The following ITPR2 variants were observed in gnomAD, a reference collection of about 807,000 sequenced individuals.
ITPR2 encodes inositol 1,4,5-trisphosphate receptor type 2, also known as inositol 1,4,5-trisphosphate-gated calcium channel ITPR2.
In ITPR2, 207 loss-of-function variants were observed where a neutral mutation model predicts 317.1. The observed-to-expected ratio is 0.65, with a 90% CI of 0.58 to 0.73. The LOEUF (loss-of-function observed/expected upper bound fraction) is 0.73, where lower values mean the gene tolerates loss of function less well. Ranked by LOEUF, ITPR2 falls within the 30% of genes least tolerant of loss-of-function variation. The probability of loss-of-function intolerance (pLI) is 0.00; values close to 1 mark genes in which losing one functional copy is unlikely to be tolerated. For synonymous variants in ITPR2, 1,156 were observed against 1,149.1 expected (o/e 1.01, Z -0.12); for missense variants, 2,613 against 3,284.0 (o/e 0.80, Z 4.99).
intron 42 of ITPR2, among the ~76,000 whole-genome samples, chr12:26,482,159 T>C (rs1007078947): frequency 6.6e-6 from 1 of 152,216 alleles, no homozygotes; most frequent in Non-Finnish European, 1.5e-5. Context: ...TTTATTCCTC[T>C]GACACAGAGG....
intron 48 of ITPR2, among the ~76,000 whole-genome samples, chr12:26,435,265 T>C (rs941419295): frequency 6.6e-6 from 1 of 152,190 alleles, no homozygotes; most frequent in Admixed American, 6.6e-5. Flanking sequence ...CTCTTTCCAC[T>C]ACGCTTCCTT....
intron 55 of ITPR2, among the ~76,000 whole-genome samples, chr12:26,369,870 G>A (rs1160016480): frequency 2.6e-5 from 4 of 152,086 alleles, no homozygotes; most frequent in Non-Finnish European, 4.4e-5. Context: ...TCAATTATAC[G>A]GCAGATGATT....
chr12:26,438,489 A>G (rs1426143713), intron 47 of ITPR2, among the ~76,000 whole-genome samples: 1 of 152,198 alleles, frequency 6.6e-6, no homozygotes, highest in African/African-American at 2.4e-5. Flanking sequence ...CTTATTTTGG[A>G]AAATAAAGTT....
intron 32 of ITPR2, among the ~76,000 whole-genome samples, chr12:26,585,364 C>T (rs1173031285): frequency 6.6e-6 from 1 of 151,988 alleles, no homozygotes; most frequent in Non-Finnish European, 1.5e-5. Flanking sequence ...TTTATTTAAC[C>T]GTTTGTCAAA....
At chr12:26,813,082 C>A (rs1269424745) in intron 1 of ITPR2, among the ~76,000 whole-genome samples, 1 of 152,130 alleles carries the variant, frequency 6.6e-6, no homozygotes, top group Non-Finnish European at 1.5e-5. Flanking sequence ...ACATAAAGAT[C>A]ACATTTCAAA....
chr12:26,391,060 C>A (rs73284362), intron 54 of ITPR2, among the ~76,000 whole-genome samples: 7,647 of 152,120 alleles, frequency 0.05, 242 homozygotes, highest in Non-Finnish European at 0.064. Context: ...CCAAGAGGTG[C>A]AAAGCTTGAA....
At position 26,578,921 on chromosome 12, in the gene ITPR2, C is replaced by A. The variant is rs563429746; in HGVS notation, c.4510-88G>T. The A allele has an allele frequency of 2.0e-5, 26 of 1,289,146 alleles. No homozygotes were observed. In the South Asian group the frequency reaches 3.8e-4, roughly 19 times the overall value. 79.9% of individuals were successfully genotyped at this position (1,289,146 alleles called of 1,614,324 possible). ...TCTATGCATTCTCAGAAAGGTTCAT[C>A]AAAATAAAATAAAATACAATCTTTC... is the stretch of plus-strand genomic sequence containing the variant. On this transcript the variant is annotated intron_variant, in intron 33 of 56. Transcript: ENST00000381340.
chr12:26,618,011 T>A (rs4964007), intron 26 of ITPR2, among the ~76,000 whole-genome samples: 1 of 151,980 alleles, frequency 6.6e-6, no homozygotes, highest in African/African-American at 2.4e-5. Flanking sequence ...AATAATATAA[T>A]CTTAATAGAT....
chr12:26,713,905 T>C (rs982097456), intron 8 of ITPR2, among the ~76,000 whole-genome samples: 3 of 152,204 alleles, frequency 2.0e-5, no homozygotes, highest in Non-Finnish European at 4.4e-5. Context: ...GAGGTAGACT[T>C]CTGGGAGGTG....
At chr12:26,470,715 G>A (rs908932083) in intron 45 of ITPR2, among the ~76,000 whole-genome samples, 2 of 152,156 alleles carry the variant, frequency 1.3e-5, no homozygotes, top group East Asian at 3.9e-4. Flanking sequence ...AGTAAGACAA[G>A]CACCATCATA....
chr12:26,826,492 G>A (rs1951011433), intron 1 of ITPR2, among the ~76,000 whole-genome samples: 1 of 152,090 alleles, frequency 6.6e-6, no homozygotes, highest in South Asian at 2.1e-4. Flanking sequence ...ATCCATCCCT[G>A]AACATGGAAA....
At chr12:26,689,946 G>T (rs1016427801) in intron 10 of ITPR2, among the ~76,000 whole-genome samples, 3 of 152,106 alleles carry the variant, frequency 2.0e-5, no homozygotes, top group Non-Finnish European at 4.4e-5. Context: ...TAGACCAGGA[G>T]AATTATAGTC....
intron 2 of ITPR2, among the ~76,000 whole-genome samples, chr12:26,730,412 C>G (rs1197689345): frequency 6.6e-6 from 1 of 152,020 alleles, no homozygotes; most frequent in Non-Finnish European, 1.5e-5. Context: ...TTATGGAGTT[C>G]AATCAGAAAT....
chr12:26,716,048 T>G, intron 6 of ITPR2, 96 bp downstream of exon 6: 8 of 824,484 alleles, frequency 9.7e-6, no homozygotes, highest in Admixed American at 2.3e-5. Flanking sequence ...ACTGGGATTA[T>G]GCTCATGAAA....
At chr12:26,486,425 A>AC in intron 40 of ITPR2, 65 bp from the exon 41 acceptor site, 7 of 1,337,066 alleles carry the variant, frequency 5.2e-6, no homozygotes, top group Non-Finnish European at 7.2e-6. Context: ...AAAAAAAAAA[A>AC]ACAAACCAGG....
intron 54 of ITPR2, among the ~76,000 whole-genome samples, chr12:26,393,891 T>C (rs556204630): frequency 6.6e-5 from 10 of 152,338 alleles, no homozygotes; most frequent in African/African-American, 2.4e-4. Flanking sequence ...TATCTGCCTT[T>C]TGTAGATTAT....
At chr12:26,779,611 A>G (rs1307022101) in intron 2 of ITPR2, among the ~76,000 whole-genome samples, 1 of 152,198 alleles carries the variant, frequency 6.6e-6, no homozygotes, top group Non-Finnish European at 1.5e-5. Flanking sequence ...AGAGAAGACT[A>G]GGGCCTGGTT....
At chr12:26,521,573 T>A (rs941648522) in intron 37 of ITPR2, among the ~76,000 whole-genome samples, 1 of 152,134 alleles carries the variant, frequency 6.6e-6, no homozygotes. Context: ...TTTACAGACT[T>A]AATTTGGCCT....
rs186098041 is a variant in ITPR2, at chr12:26,534,533, A to G, written c.5073+15714T>C. Among the ~76,000 whole-genome samples the G allele has an allele frequency of 2.0e-5, 3 of 152,356 alleles. No individual in the cohort carries two copies. In the East Asian group the frequency reaches 5.8e-4, roughly 29 times the overall value. On this transcript the variant is annotated intron_variant, in intron 37 of 56. Transcript: ENST00000381340. Reference sequence around the variant, plus strand: ...TTATCAATGAGTTAGTATATTTTCCAATTTATTAACTCTCATTTAACAACG... The same window carrying G: ...TTATCAATGAGTTAGTATATTTTCCGATTTATTAACTCTCATTTAACAACG...
Sources: allele counts gnomAD v4.1 joint callset (sites outside exome capture counted in the v4.1 genomes callset), GRCh38; gene constraint gnomAD v4.1.1; transcripts MANE v1.5; gene names NCBI Gene and HGNC (gene_info 2026-07-23, HGNC 2026-07-21).